MAP2K3: variants seen among roughly 807,000 people sequenced by gnomAD.
MAP2K3 encodes dual specificity mitogen-activated protein kinase kinase 3.
MAP2K3 carries 30 observed loss-of-function variants against 46.4 expected under a neutral mutation model. The observed-to-expected ratio is 0.65, with a 90% CI of 0.48 to 0.88. The LOEUF (loss-of-function observed/expected upper bound fraction) is 0.88, where lower values mean the gene tolerates loss of function less well. MAP2K3 is among the 40% of genes least tolerant of loss of function. The pLI is 0.00. For synonymous variants in MAP2K3, 189 were observed against 176.3 expected (o/e 1.07, Z -0.57); for missense variants, 380 against 464.5 (o/e 0.82, Z 1.67).
intron 1 of MAP2K3, among the ~76,000 whole-genome samples, chr17:21,290,574 G>T (rs1486568769): frequency 1.3e-5 from 2 of 152,306 alleles, no homozygotes; most frequent in Non-Finnish European, 2.9e-5. Flanking sequence ...GAGCCCCTAG[G>T]TACCAGACAG....
chr17:21,286,552 G>T (rs1247287176), intron 1 of MAP2K3, among the ~76,000 whole-genome samples: 1 of 152,222 alleles, frequency 6.6e-6, no homozygotes, highest in Non-Finnish European at 1.5e-5. Context: ...CTCGACGGGG[G>T]AGGTGTCTGG....
intron 7 of MAP2K3, among the ~76,000 whole-genome samples, chr17:21,303,480 GTA>G (rs1374519746): frequency 6.6e-6 from 1 of 152,310 alleles, no homozygotes; most frequent in Non-Finnish European, 1.5e-5. Flanking sequence ...CTGTTCTGAT[GTA>G]TAGTTTACAA....
chr17:21,293,551 G>T (rs1313963573), intron 1 of MAP2K3, among the ~76,000 whole-genome samples: 1 of 152,312 alleles, frequency 6.6e-6, no homozygotes, highest in Non-Finnish European at 1.5e-5. Flanking sequence ...CGGGGAGGGG[G>T]CGCTGCCAGG....
At chr17:21,285,033 C>G in intron 1 of MAP2K3, 64 bp downstream of exon 1, 1 of 1,559,104 alleles carries the variant, frequency 6.4e-7, no homozygotes, top group Non-Finnish European at 8.7e-7. Flanking sequence ...GGCTGCAAAC[C>G]CCGACCTTTC....
rs769993339 is a variant in MAP2K3, at chr17:21,302,100, G to C, written c.400-43G>C. On this transcript the variant is annotated intron_variant, in intron 5 of 11. Transcript: ENST00000342679. ...CAGGCAGTGCAGGTGGTGCAGACAC[G>C]GGCAGCCCGGCAGCCTGGCTGAGCT... The C allele has an allele frequency of 1.2e-5, 19 of 1,604,440 alleles. No homozygotes were observed. The African/African-American group carries it at 1.6e-4, about 14-fold the overall frequency.
At chr17:21,296,931 G>A (rs1976287678) in intron 1 of MAP2K3, among the ~76,000 whole-genome samples, 1 of 152,130 alleles carries the variant, frequency 6.6e-6, no homozygotes. Context: ...TGCTGCTTCT[G>A]TCTGTGGACG....
intron 9 of MAP2K3, among the ~76,000 whole-genome samples, chr17:21,307,843 ATCTTTTTT>A (rs1336778465): frequency 3.7e-5 from 3 of 81,470 alleles, no homozygotes; most frequent in African/African-American, 1.4e-4. Flanking sequence ...ATGCCCGGCT[ATCTTTTTT>A]TTTTTTTTTT....
intron 7 of MAP2K3, 90 bp from the exon 8 acceptor site, chr17:21,304,336 G>T (rs960393428): frequency 1.3e-6 from 2 of 1,599,870 alleles, no homozygotes; most frequent in African/African-American, 2.7e-5. Context: ...GGGGTCTTGG[G>T]CGAGGGAGGG....
intron 1 of MAP2K3, among the ~76,000 whole-genome samples, chr17:21,292,778 C>T (rs1976016617): frequency 1.3e-5 from 2 of 150,010 alleles, no homozygotes; most frequent in African/African-American, 4.9e-5. Flanking sequence ...TGAGCCACCT[C>T]ACATGGTCTG....
At chr17:21,286,244 ATTC>A (rs1021584383) in intron 1 of MAP2K3, among the ~76,000 whole-genome samples, 1 of 152,220 alleles carries the variant, frequency 6.6e-6, no homozygotes. Flanking sequence ...TATTGTTTCC[ATTC>A]TTCTTGCTGG....
rs995228259 is a variant in MAP2K3 at position 21,300,350 on chromosome 17, T to A, written c.166-195T>A. ...TGGGGTGTTGGCACTGTGCCTGTTT[T>A]ATAGAGGGCATCGTGAGGCTCAGAG... On this transcript the variant is annotated intron_variant, in intron 3 of 11. Transcript: ENST00000342679. 1.1e-5 allele frequency: 7 copies of A among 630,534 alleles called. No individual in the cohort carries two copies. In the Admixed American group the frequency reaches 1.9e-4, roughly 17 times the overall value. The allele number at this position is 630,534 out of a possible 1,614,324, so 39.1% of individuals were successfully genotyped here.
At chr17:21,300,481 T>C (rs1976529855) in intron 3 of MAP2K3, 64 bp from the exon 4 acceptor site, 1 of 1,523,856 alleles carries the variant, frequency 6.6e-7, no homozygotes, top group Non-Finnish European at 8.9e-7. Flanking sequence ...GTATCTCCAC[T>C]GGGCATGGGG....
chr17:21,296,265 A>G (rs1976243966), intron 1 of MAP2K3: 1 of 1,124,150 alleles, frequency 8.9e-7, no homozygotes, highest in South Asian at 1.3e-5. Flanking sequence ...CAAGGTGCAG[A>G]GGAGGGCACC....
At chr17:21,291,074 C>G (rs964934505) in intron 1 of MAP2K3, among the ~76,000 whole-genome samples, 1 of 152,426 alleles carries the variant, frequency 6.6e-6, no homozygotes, top group Admixed American at 6.5e-5. Flanking sequence ...AACCCCGTCT[C>G]TACTAAAAAC....
rs2144420087 is a variant in MAP2K3 at position 21,284,776 on chromosome 17, G to C, written c.-145G>C. ...TGCAGTCGCCGCCGCAGTCCTCGCCGCAGTCGCCGCCGCCGCCGCCGCCGC... is the reference window on the plus strand; with the variant it reads ...TGCAGTCGCCGCCGCAGTCCTCGCCCCAGTCGCCGCCGCCGCCGCCGCCGC... On this transcript the variant is annotated 5_prime_UTR_variant, in exon 1 of 12. Transcript: ENST00000342679. 1 of 858,152 alleles carries C rather than the reference G, an allele frequency of 1.2e-6. No homozygotes were observed. The highest frequency in any genetic ancestry group is 3.5e-4 in the Middle Eastern group (1 of 2,868). The allele number at this position is 858,152 out of a possible 1,614,324, so 53.2% of individuals were successfully genotyped here. A position where few individuals can be genotyped will look rare whatever the true frequency, so the allele number is the denominator to read the frequency against.
intron 1 of MAP2K3, chr17:21,291,672 G>T (rs1292534019): frequency 6.8e-6 from 3 of 442,406 alleles, no homozygotes; most frequent in African/African-American, 6.0e-5. Flanking sequence ...TGGGGCCAGA[G>T]TCCCACCGAT....
At chr17:21,299,398 C>G in intron 3 of MAP2K3, among the ~76,000 whole-genome samples, 1 of 152,310 alleles carries the variant, frequency 6.6e-6, no homozygotes, top group Non-Finnish European at 1.5e-5. Flanking sequence ...ACCCTACTCC[C>G]AGGCCAGGTG....
At chr17:21,307,588 T>G (rs1198449847) in intron 9 of MAP2K3, among the ~76,000 whole-genome samples, 1 of 150,890 alleles carries the variant, frequency 6.6e-6, no homozygotes, top group Non-Finnish European at 1.5e-5. Flanking sequence ...AAGTGTCTGG[T>G]GGGTAGAGAG....
intron 1 of MAP2K3, chr17:21,296,320 C>G: frequency 1.5e-6 from 1 of 653,840 alleles, no homozygotes; most frequent in Non-Finnish European, 2.4e-6. Flanking sequence ...TGCGCCACTC[C>G]AAGCCCAGAG....
Sources: gnomAD v4.1 joint callset for allele counts (sites outside exome capture counted in the v4.1 genomes callset) on GRCh38, gnomAD v4.1.1 for gene constraint, MANE v1.5 for transcripts, NCBI Gene and HGNC (gene_info 2026-07-23, HGNC 2026-07-21) for gene names.